ITGAD: variants seen among roughly 807,000 people sequenced by gnomAD.
ITGAD encodes the protein integrin subunit alpha D.
Under a neutral mutation model 139.0 loss-of-function variants are expected in ITGAD, and 105 were observed. That is an observed-to-expected ratio of 0.76 (90% CI 0.65 to 0.89). ITGAD has a LOEUF of 0.89. ITGAD is among the 40% of genes least tolerant of loss of function. The probability of loss-of-function intolerance (pLI) is 0.00; values close to 1 mark genes in which losing one functional copy is unlikely to be tolerated. For missense variants in ITGAD, 1,384 were observed against 1,487.3 expected, an observed-to-expected ratio of 0.93 and a Z score of 1.14; for synonymous variants, 569 against 598.3, an observed-to-expected ratio of 0.95 and a Z score of 0.71.
intron 5 of ITGAD, 63 bp downstream of exon 5, chr16:31,397,972 GT>G: frequency 7.8e-7 from 1 of 1,276,574 alleles, no homozygotes; most frequent in Non-Finnish European, 1.1e-6. Flanking sequence ...GTGAGCAGGC[GT>G]GAGGCCTGTG....
intron 7 of ITGAD, among the ~76,000 whole-genome samples, chr16:31,405,924 G>A (rs2081529029): frequency 6.6e-6 from 1 of 152,134 alleles, no homozygotes; most frequent in East Asian, 1.9e-4. Context: ...CTTTGAAATG[G>A]CTGTGTCTAC....
Position 31,423,332 on chromosome 16 carries a change from T to C in ITGAD, c.2860-20T>C, listed in dbSNP as rs781123549. Reference sequence around the variant, plus strand: ...AAGGCTCCAGAGACCACAATAACACTCTGCCTTGATTTCCTGCAGGTGAAT... The same window carrying C: ...AAGGCTCCAGAGACCACAATAACACCCTGCCTTGATTTCCTGCAGGTGAAT... On this transcript the variant is annotated intron_variant, in intron 24 of 29. Transcript: ENST00000389202. 5 of 1,610,100 alleles carry C rather than the reference T, an allele frequency of 3.1e-6. No individual in the cohort carries two copies. Among genetic ancestry groups the C allele is most frequent in the South Asian group, 1.1e-5 (1 of 91,002 alleles).
At chr16:31,414,756 T>C (rs1356335746) in intron 17 of ITGAD, 104 bp from the exon 18 acceptor site, 3 of 1,556,294 alleles carry the variant, frequency 1.9e-6, no homozygotes, top group African/African-American at 2.7e-5. Flanking sequence ...CTCCACGGCT[T>C]GGAGGGAGCA....
chr16:31,418,319 T>C lies in ITGAD; in HGVS notation c.2635T>C (p.Phe879Leu), dbSNP rs1046730444. 3 of 1,613,930 alleles carry C rather than the reference T, an allele frequency of 1.9e-6. No individual in the cohort carries two copies. The highest frequency in any genetic ancestry group is 1.7e-5 in the Admixed American group (1 of 60,000). Residue 879 changes from phenylalanine to leucine, a missense_variant, in exon 22 of 30, where the codon TTC becomes CTC. By Grantham distance (22) the Phe-to-Leu change is conservative (BLOSUM62 0). Transcript: ENST00000389202. ...CCCTCAGGGCACCTTCATAGTCACA[T>C]TCGATGTCTCCTACAAGGCCACCCT... is the stretch of plus-strand genomic sequence containing the variant. ...EGSNGTFIVT[F>L]DVSYKATLGD...
rs1412001354 is a variant in ITGAD at position 31,426,187 on chromosome 16, T to G, written c.*59T>G. The G allele has an allele frequency of 1.7e-6, 2 of 1,173,910 alleles. No homozygotes were observed. The highest frequency in any genetic ancestry group is 2.5e-6 in the Non-Finnish European group (2 of 795,548). The allele number at this position is 1,173,910 out of a possible 1,614,324, so 72.7% of individuals were successfully genotyped here. A position where few individuals can be genotyped will look rare whatever the true frequency, so the allele number is the denominator to read the frequency against. On this transcript the variant is annotated 3_prime_UTR_variant, in exon 30 of 30. Transcript: ENST00000389202. ...GGCTGGACTTGCTTGCAACCATAAA[T>G]CAACTTACATGGAAACAACTTCTGC...
chr16:31,416,130 C>T, intron 18 of ITGAD, 83 bp from the exon 19 acceptor site: 1 of 1,152,790 alleles, frequency 8.7e-7, no homozygotes, highest in Non-Finnish European at 1.3e-6. Context: ...TAGTAATGCT[C>T]AATGTTGGAG....
chr16:31,412,064 G>T (rs1047325070), intron 14 of ITGAD, among the ~76,000 whole-genome samples: 14 of 150,478 alleles, frequency 9.3e-5, no homozygotes, highest in East Asian at 3.9e-4. Context: ...CACCCTGTTT[G>T]CTTTTTTTTT....
intron 23 of ITGAD, among the ~76,000 whole-genome samples, chr16:31,420,952 C>T (rs2081995788): frequency 6.6e-6 from 1 of 152,142 alleles, no homozygotes; most frequent in Non-Finnish European, 1.5e-5. Context: ...TCCTTTCAAG[C>T]CACATGTAGG....
In ITGAD at chr16:31,412,899, G is replaced by A. The variant is rs755131137; in HGVS notation, c.1769G>A (p.Gly590Asp). The A allele has an allele frequency of 1.9e-6, 3 of 1,614,050 alleles. No homozygotes were observed. In the Admixed American group the frequency reaches 5.0e-5, roughly 27 times the overall value. ...LQYFGQALSG[G>D]QDLTQDGLMD... Reference sequence around the variant, plus strand: ...TATTTTGGGCAGGCGCTGAGTGGGGGTCAGGACCTCACCCAGGATGGACTG... The same window carrying A: ...TATTTTGGGCAGGCGCTGAGTGGGGATCAGGACCTCACCCAGGATGGACTG... The change falls in exon 15 of 30, where the codon GGT (glycine) becomes GAT (aspartate). Residue 590 changes from glycine (G) to aspartate (D), a missense_variant. By Grantham distance (94) the Gly-to-Asp change is moderately conservative (BLOSUM62 -1). Coordinates refer to ENST00000389202, the MANE Select transcript of ITGAD (RefSeq NM_005353.3).
At chr16:31,410,176 T>C (rs1339927315) in intron 10 of ITGAD, among the ~76,000 whole-genome samples, 1 of 151,776 alleles carries the variant, frequency 6.6e-6, no homozygotes, top group Admixed American at 6.6e-5. Flanking sequence ...GAGGCAGTGG[T>C]GAGCACAGCG....
chr16:31,415,049 T>G, intron 18 of ITGAD, 58 bp downstream of exon 18: 2 of 1,597,460 alleles, frequency 1.3e-6, no homozygotes, highest in Non-Finnish European at 1.7e-6. Flanking sequence ...TCCATGAGCT[T>G]AAGAATCCAC....
intron 7 of ITGAD, among the ~76,000 whole-genome samples, chr16:31,407,186 TCTA>T (rs2081560174): frequency 6.6e-6 from 1 of 152,082 alleles, no homozygotes; most frequent in Admixed American, 6.5e-5. Flanking sequence ...AAACCTCCTC[TCTA>T]CTAAAAATAC....
At chr16:31,419,660 C>T (rs997007977) in intron 23 of ITGAD, among the ~76,000 whole-genome samples, 1 of 151,758 alleles carries the variant, frequency 6.6e-6, no homozygotes, top group Admixed American at 6.6e-5. Flanking sequence ...AAAACGCAAA[C>T]ATTAGCCAGG....
At chr16:31,398,002 C>A in intron 5 of ITGAD, 93 bp downstream of exon 5, 1 of 900,984 alleles carries the variant, frequency 1.1e-6, no homozygotes, top group Non-Finnish European at 1.7e-6. Flanking sequence ...CCTGTGCCCT[C>A]CCTGGAGGGC....
intron 5 of ITGAD, among the ~76,000 whole-genome samples, chr16:31,401,735 G>A (rs1382461020): frequency 1.3e-5 from 2 of 152,246 alleles, no homozygotes; most frequent in African/African-American, 4.8e-5. Flanking sequence ...GTTAAGTAAT[G>A]TGCCTGAATT....
chr16:31,423,982 C>T (rs1319071850), intron 27 of ITGAD, 24 bp downstream of exon 27: 1 of 1,612,606 alleles, frequency 6.2e-7, no homozygotes, highest in African/African-American at 1.3e-5. Context: ...GCGGCAGAGC[C>T]CCTGCCCCAG....
chr16:31,407,134 A>C (rs1190199273), intron 7 of ITGAD, among the ~76,000 whole-genome samples: 2 of 152,182 alleles, frequency 1.3e-5, no homozygotes, highest in East Asian at 3.9e-4. Context: ...CTGGTGGATC[A>C]CTTGATGTCA....
chr16:31,395,540 G>A (rs1158543797), intron 2 of ITGAD, among the ~76,000 whole-genome samples: 1 of 152,148 alleles, frequency 6.6e-6, no homozygotes, highest in Non-Finnish European at 1.5e-5. Context: ...GAGGGAGTGG[G>A]ACACTACATA....
chr16:31,408,308 A>G, intron 9 of ITGAD, 117 bp from the exon 10 acceptor site: 1 of 830,934 alleles, frequency 1.2e-6, no homozygotes, highest in Non-Finnish European at 2.0e-6. Context: ...TCCTGTTCAC[A>G]ACTCACTCAA....
Sources: allele counts gnomAD v4.1 joint callset (sites outside exome capture counted in the v4.1 genomes callset), GRCh38; gene constraint gnomAD v4.1.1; transcripts MANE v1.5; gene names NCBI Gene and HGNC (gene_info 2026-07-23, HGNC 2026-07-21).